Variants in PARD3B observed in about 807,000 individuals in gnomAD.
PARD3B encodes the protein par-3 family cell polarity regulator beta, also known as partitioning defective 3 homolog B.
In PARD3B, 103 loss-of-function variants were observed where a neutral mutation model predicts 130.2. That is an observed-to-expected ratio of 0.79 (90% CI 0.67 to 0.93). The LOEUF is 0.93. Ranked by LOEUF, PARD3B falls within the 40% of genes least tolerant of loss-of-function variation. The probability of loss-of-function intolerance (pLI) is 0.00; values close to 1 mark genes in which losing one functional copy is unlikely to be tolerated. For synonymous variants in PARD3B, 583 were observed against 553.2 expected (o/e 1.05, Z -0.76); for missense variants, 1,609 against 1,499.2 (o/e 1.07, Z -1.21).
intron 18 of PARD3B, among the ~76,000 whole-genome samples, chr2:205,370,164 A>T (rs1334402726): frequency 2.0e-5 from 3 of 152,200 alleles, no homozygotes; most frequent in African/African-American, 7.2e-5. Flanking sequence ...AGTTGTCTTA[A>T]TGATGTAGTG....
At position 204,983,489 on chromosome 2, in the gene PARD3B, T is replaced by C. The variant is rs148690875; in HGVS notation, c.394+18166T>C. ...ACAACATTTGATATTAAATTTAATG[T>C]ATTTAGTTGAGAATTAAGAGGAAAC... is the stretch of plus-strand genomic sequence containing the variant. On this transcript the variant is annotated intron_variant, in intron 3 of 22. Transcript: ENST00000406610. Among the ~76,000 whole-genome samples, 604 of 152,204 alleles carry C rather than the reference T, an allele frequency of 4.0e-3. 6 individuals are homozygous for C. The highest frequency in any genetic ancestry group is 0.014 in the African/African-American group (584 of 41,520).
chr2:204,827,518 T>C (rs1291386489), intron 2 of PARD3B, among the ~76,000 whole-genome samples: 1 of 152,178 alleles, frequency 6.6e-6, no homozygotes, highest in African/African-American at 2.4e-5. Flanking sequence ...AAAGTTGAAA[T>C]TTGCATTAAG....
intron 18 of PARD3B, among the ~76,000 whole-genome samples, chr2:205,398,349 T>C (rs1029806217): frequency 6.6e-6 from 1 of 152,164 alleles, no homozygotes; most frequent in African/African-American, 2.4e-5. Context: ...TATTTTTCTC[T>C]TTTCCGTACT....
intron 2 of PARD3B, among the ~76,000 whole-genome samples, chr2:204,940,581 A>G (rs972120903): frequency 6.6e-6 from 1 of 152,112 alleles, no homozygotes; most frequent in East Asian, 1.9e-4. Flanking sequence ...TAGAAAGGCA[A>G]TTCTAAGATA....
chr2:204,621,852 G>T (rs2034312369), intron 1 of PARD3B, among the ~76,000 whole-genome samples: 2 of 152,116 alleles, frequency 1.3e-5, no homozygotes, highest in Admixed American at 1.3e-4. Flanking sequence ...TGGTGTTAAG[G>T]TGTGTCTCAT....
chr2:205,030,953 G>T (rs1471635066), intron 3 of PARD3B, among the ~76,000 whole-genome samples: 3 of 152,148 alleles, frequency 2.0e-5, no homozygotes, highest in African/African-American at 7.2e-5. Flanking sequence ...ATTGTGGAAT[G>T]TAAGTCCAGC....
Position 204,675,842 on chromosome 2 carries a change from G to A in PARD3B, c.121-10339G>A, listed in dbSNP as rs1367501960. Among the ~76,000 whole-genome samples, 2 of 152,124 alleles carry A rather than the reference G, an allele frequency of 1.3e-5. No individual in the cohort carries two copies. The highest frequency in any genetic ancestry group is 2.9e-5 in the Non-Finnish European group (2 of 68,012). On this transcript the variant is annotated intron_variant, in intron 1 of 22. Coordinates refer to ENST00000406610, the MANE Select transcript of PARD3B (RefSeq NM_001302769.2). This position sits in a 1 kb window ranked among gnomAD's most constrained non-coding sequence, Gnocchi z 4.4. ...GTAATATTATTAAAACTTAGATTAT[G>A]AGATACTGTAGAAACAAATTCCCTG...
chr2:205,472,675 G>A (rs1278680426), intron 20 of PARD3B, among the ~76,000 whole-genome samples: 2 of 152,112 alleles, frequency 1.3e-5, no homozygotes, highest in African/African-American at 4.8e-5. Flanking sequence ...GCCAAATAGG[G>A]TAAAACAAGA....
At chr2:205,205,038 G>T (rs770121325) in intron 15 of PARD3B, among the ~76,000 whole-genome samples, 3 of 152,132 alleles carry the variant, frequency 2.0e-5, no homozygotes, top group Non-Finnish European at 4.4e-5. Context: ...ATTACTTTGG[G>T]CAGTATGGCC....
intron 1 of PARD3B, among the ~76,000 whole-genome samples, chr2:204,642,214 C>G (rs775541581): frequency 6.6e-6 from 1 of 152,152 alleles, no homozygotes; most frequent in Non-Finnish European, 1.5e-5. Context: ...GTGCACTGGT[C>G]TCTGCTACAG....
In PARD3B at chr2:205,185,788, G is replaced by T. The variant is rs1201409192; in HGVS notation, c.1949G>T (p.Trp650Leu). The T allele has an allele frequency of 6.2e-7, 1 of 1,614,030 alleles. No homozygotes were observed. Among genetic ancestry groups the T allele is most frequent in the Non-Finnish European group, 8.5e-7 (1 of 1,179,912 alleles). ...GGTCTATTGCTGCCCAATGACGGATGGGCCGAGAGTGAAGTTCCACCTTCT... is the reference window on the plus strand; with the variant it reads ...GGTCTATTGCTGCCCAATGACGGATTGGCCGAGAGTGAAGTTCCACCTTCT... The part of the protein sequence containing the change: ...QKGLLLPNDG[W>L]AESEVPPSPT... Residue 650 changes from tryptophan (W) to leucine (L), a missense_variant, in exon 14 of 23, where the codon TGG becomes TTG. Coordinates refer to ENST00000406610, the MANE Select transcript of PARD3B (RefSeq NM_001302769.2).
intron 2 of PARD3B, among the ~76,000 whole-genome samples, chr2:204,958,335 T>C (rs1690448479): frequency 6.6e-6 from 1 of 152,186 alleles, no homozygotes; most frequent in Non-Finnish European, 1.5e-5. Flanking sequence ...TATTTACTTG[T>C]CGGCATAGAA....
At chr2:204,562,923 G>A (rs1387528114) in intron 1 of PARD3B, among the ~76,000 whole-genome samples, 14 of 152,046 alleles carry the variant, frequency 9.2e-5, no homozygotes, top group South Asian at 2.1e-4. Context: ...GGGCCACTTG[G>A]GAAATGCAGC....
rs1235834230 is a variant in PARD3B, at chr2:205,479,619, A to G, written c.3045-20277A>G. On this transcript the variant is annotated intron_variant, in intron 20 of 22. Transcript: ENST00000406610. ...TCTATTTTTCTCCAGCTTCGTGACCATTACCTAGGCCAGTCTACCATCACC... is the reference window on the plus strand; with the variant it reads ...TCTATTTTTCTCCAGCTTCGTGACCGTTACCTAGGCCAGTCTACCATCACC... 2.6e-5 allele frequency among the ~76,000 whole-genome samples: 4 copies of G among 152,196 alleles called. No homozygotes were observed. In the South Asian group the frequency reaches 8.3e-4, roughly 32 times the overall value.
chr2:204,848,662 T>C (rs1489233609), intron 2 of PARD3B, among the ~76,000 whole-genome samples: 1 of 151,464 alleles, frequency 6.6e-6, no homozygotes, highest in Non-Finnish European at 1.5e-5. Flanking sequence ...TATCTATCTA[T>C]CTGTCTGTCT....
chr2:204,708,812 T>G (rs566604179), intron 2 of PARD3B, among the ~76,000 whole-genome samples: 7 of 152,214 alleles, frequency 4.6e-5, no homozygotes, highest in Non-Finnish European at 8.8e-5. Context: ...TGGTGGCATT[T>G]TTTTCAAAGC....
At chr2:205,013,392 T>C (rs1695878470) in intron 3 of PARD3B, among the ~76,000 whole-genome samples, 1 of 152,230 alleles carries the variant, frequency 6.6e-6, no homozygotes, top group African/African-American at 2.4e-5. Flanking sequence ...TATATAAATG[T>C]CATTATCTCC....
Position 205,591,621 on chromosome 2 carries a change from C to G in PARD3B, c.3261-23835C>G, listed in dbSNP as rs533304945. On this transcript the variant is annotated intron_variant, in intron 22 of 22. Coordinates refer to ENST00000406610, the MANE Select transcript of PARD3B (RefSeq NM_001302769.2). The surrounding 1 kb of genome is among the most constrained non-coding windows in gnomAD (Gnocchi z 4.2). ...TCATTGGAAACCCAGAACTGTTGTT[C>G]CTAACCTCCCTGATGTCTCATATTT... is the stretch of plus-strand genomic sequence containing the variant. 6.6e-6 allele frequency among the ~76,000 whole-genome samples: 1 copy of G among 152,314 alleles called. No individual in the cohort carries two copies. Among genetic ancestry groups the G allele is most frequent in the Admixed American group, 6.5e-5 (1 of 15,300 alleles).
chr2:205,397,915 G>A lies in PARD3B; in HGVS notation c.2631-3098G>A, dbSNP rs1354106502. On this transcript the variant is annotated intron_variant, in intron 18 of 22. Coordinates refer to ENST00000406610, the MANE Select transcript of PARD3B (RefSeq NM_001302769.2). The surrounding 1 kb of genome is among the most constrained non-coding windows in gnomAD (Gnocchi z 4.8). ...GCATGGGTCTGGAATGCTAAAGAAT[G>A]TATTCATGAAAACATTATTTAGCTA... Among the ~76,000 whole-genome samples the A allele has an allele frequency of 1.3e-5, 2 of 152,168 alleles. No individual in the cohort carries two copies. The highest frequency in any genetic ancestry group is 1.9e-4 in the East Asian group (1 of 5,202).
Sources: allele counts gnomAD v4.1 joint callset (sites outside exome capture counted in the v4.1 genomes callset), GRCh38; gene constraint gnomAD v4.1.1; non-coding constraint Gnocchi (gnomAD v3.1); transcripts MANE v1.5; gene names NCBI Gene and HGNC (gene_info 2026-07-23, HGNC 2026-07-21).